Variants in NOXA1 observed in about 807,000 individuals in gnomAD.
NOXA1 encodes the protein NCF2-like protein.
A neutral mutation model predicts 64.8 loss-of-function variants in NOXA1; 56 were observed. That is an observed-to-expected ratio of 0.86 (90% CI 0.70 to 1.08). The LOEUF (loss-of-function observed/expected upper bound fraction) is 1.08. Ranked by LOEUF, NOXA1 falls within the 50% of genes least tolerant of loss-of-function variation. The pLI, the probability that NOXA1 is intolerant of heterozygous loss-of-function variation, is 0.00. For synonymous variants in NOXA1, 295 were observed against 294.8 expected, an observed-to-expected ratio of 1.00 and a Z score of -0.01; for missense variants, 668 against 658.5, an observed-to-expected ratio of 1.01 and a Z score of -0.16.
chr9:137,430,872 C>T, intron 6 of NOXA1, 29 bp downstream of exon 6: 1 of 1,564,102 alleles, frequency 6.4e-7, no homozygotes, highest in Non-Finnish European at 8.6e-7. Flanking sequence ...AGACCCCTGC[C>T]TGGCCTCACC....
chr9:137,433,071 C>A lies in NOXA1; in HGVS notation c.847C>A (p.Pro283Thr), dbSNP rs1247890700. Reference protein sequence around the residue: ...EQVGKQAPLSPGLPAMGGPGP... With the variant: ...EQVGKQAPLSTGLPAMGGPGP... ...AGTTGGCAAACAGGCTCCTCTCTCC[C>A]CAGGTATGGGCGTCCTCAGCGGCGG... Residue 283 changes from proline to threonine, a missense_variant, in exon 9 of 14, where the codon CCA (proline) becomes ACA (threonine). Physicochemically the swap from Pro to Thr is conservative, Grantham distance 38 (BLOSUM62 -1). Coordinates refer to ENST00000683555, the MANE Select transcript of NOXA1 (RefSeq NM_001256067.2). The A allele has an allele frequency of 1.9e-6, 3 of 1,612,722 alleles. No individual in the cohort carries two copies. The South Asian group carries it at 3.3e-5, about 18-fold the overall frequency.
Position 137,431,976 on chromosome 9 carries a change from G to A in NOXA1, c.804+635G>A, listed in dbSNP as rs762099139. 2.2e-4 allele frequency among the ~76,000 whole-genome samples: 33 copies of A among 152,288 alleles called. No individual in the cohort carries two copies. Among genetic ancestry groups the A allele is most frequent in the Non-Finnish European group, 4.0e-4 (27 of 68,028 alleles). ...ATGGATGCCCACTTCCAGTTTAACC[G>A]TGGCATCCCGGGGGCAAGGGCGCCC... is the stretch of plus-strand genomic sequence containing the variant. On this transcript the variant is annotated intron_variant, in intron 8 of 13. Coordinates refer to ENST00000683555, the MANE Select transcript of NOXA1 (RefSeq NM_001256067.2). The surrounding 1 kb of genome is among the most constrained non-coding windows in gnomAD (Gnocchi z 5.6).
chr9:137,424,878 G>A (rs1838779552), intron 1 of NOXA1, among the ~76,000 whole-genome samples: 1 of 152,214 alleles, frequency 6.6e-6, no homozygotes, highest in Non-Finnish European at 1.5e-5. Flanking sequence ...GAGAGGGGAC[G>A]CAGTGAAAGT....
chr9:137,434,019 G>T lies in NOXA1; in HGVS notation c.1234G>T (p.Ala412Ser), dbSNP rs749037318. The part of the protein sequence containing the change: ...YQVVAQHSYS[A>S]QGPEDLGFRQ... Reference sequence around the variant, plus strand: ...GGTGGTGGCCCAGCACAGCTACTCCGCCCAGGGGCCAGAGGACCTGGGCTT... The same window carrying T: ...GGTGGTGGCCCAGCACAGCTACTCCTCCCAGGGGCCAGAGGACCTGGGCTT... Residue 412 changes from alanine (A) to serine (S), a missense_variant, in exon 13 of 14, where the codon GCC becomes TCC. Transcript: ENST00000683555. 6.4e-7 allele frequency: 1 copy of T among 1,569,558 alleles called. No individual in the cohort carries two copies. The highest frequency in any genetic ancestry group is 8.6e-7 in the Non-Finnish European group (1 of 1,162,238).
intron 1 of NOXA1, among the ~76,000 whole-genome samples, chr9:137,424,658 G>C (rs1838764359): frequency 6.6e-6 from 1 of 152,136 alleles, no homozygotes; most frequent in Non-Finnish European, 1.5e-5. Context: ...GGCTGGTCTT[G>C]AACTCCTGAC....
At chr9:137,424,791 C>T (rs1354779511) in intron 1 of NOXA1, among the ~76,000 whole-genome samples, 2 of 152,222 alleles carry the variant, frequency 1.3e-5, no homozygotes, top group Non-Finnish European at 2.9e-5. Flanking sequence ...AATCTTTAGA[C>T]ACCAGGTGGT....
intron 13 of NOXA1, 41 bp from the exon 14 acceptor site, chr9:137,434,183 G>A (rs760115984): frequency 3.1e-5 from 50 of 1,588,736 alleles, no homozygotes; most frequent in South Asian, 6.7e-5. Context: ...CAGAGGCCAC[G>A]CCTGGGTAAC....
chr9:137,427,117 A>T (rs754011907), intron 2 of NOXA1, among the ~76,000 whole-genome samples: 5 of 152,214 alleles, frequency 3.3e-5, no homozygotes, highest in African/African-American at 1.2e-4. Flanking sequence ...TTTTAAAGGG[A>T]TTTATTTGAG....
chr9:137,430,721 TGCAGGGAGCA>T (rs1839073721), intron 5 of NOXA1, 53 bp from the exon 6 acceptor site: 2 of 1,424,536 alleles, frequency 1.4e-6, no homozygotes, highest in African/African-American at 2.9e-5. Context: ...TGGGGCGGGC[TGCAGGGAGCA>T]GACCCTGCTG....
chr9:137,423,891 C>T (rs932323241), intron 1 of NOXA1, among the ~76,000 whole-genome samples, 185 bp downstream of exon 1: 64 of 152,020 alleles, frequency 4.2e-4, no homozygotes, highest in Non-Finnish European at 1.0e-4. Flanking sequence ...CTGGGGGGCG[C>T]GGCGGTCACC....
rs947448835 is a variant in NOXA1 at position 137,429,136 on chromosome 9, C to A, written c.504+120C>A. ...TGGCCCTAGTGCCCAGTTTCGGGTG[C>A]CAGGCGGGGGCTTCCTGTGACCTGC... is the stretch of plus-strand genomic sequence containing the variant. On this transcript the variant is annotated intron_variant, in intron 4 of 13. Transcript: ENST00000683555. The A allele has an allele frequency of 1.0e-5, 14 of 1,393,216 alleles. No individual in the cohort carries two copies. The Admixed American group carries it at 1.4e-4, about 14-fold the overall frequency. 86.3% of individuals were successfully genotyped at this position (1,393,216 alleles called of 1,614,324 possible). A position where few individuals can be genotyped will look rare whatever the true frequency, so the allele number is the denominator to read the frequency against.
chr9:137,428,965 G>C lies in NOXA1; in HGVS notation c.453G>C (p.Lys151Asn). The C allele has an allele frequency of 6.3e-7, 1 of 1,599,766 alleles. No homozygotes were observed. The highest frequency in any genetic ancestry group is 8.5e-7 in the Non-Finnish European group (1 of 1,173,826). ...AASSLREAMS[K>N]WPEGSLNGLD... ...GCAGCCTAAGGGAGGCCATGTCCAA[G>C]TGGCCGGAGGGGTCCCTGAATGGCC... The change falls in exon 4 of 14, where the codon AAG becomes AAC. Residue 151 changes from lysine to asparagine, a missense_variant. Lys to Asn is a moderately conservative substitution (Grantham distance 94). Transcript: ENST00000683555.
In NOXA1 at chr9:137,431,444, T is replaced by A; in HGVS notation, c.804+103T>A. On this transcript the variant is annotated intron_variant, in intron 8 of 13. Transcript: ENST00000683555. The surrounding 1 kb of genome is among the most constrained non-coding windows in gnomAD (Gnocchi z 5.6). ...CCAACATGAGGGTGGAGGGAGCAGC[T>A]CGCTGGGGGGTAGACGGGGCCGGGC... The A allele has an allele frequency of 2.0e-6, 2 of 991,782 alleles. No individual in the cohort carries two copies. The highest frequency in any genetic ancestry group is 2.8e-5 in the South Asian group (2 of 71,100). 61.4% of individuals were successfully genotyped at this position (991,782 alleles called of 1,614,324 possible).
rs1588463156 is a variant in NOXA1 at position 137,427,975 on chromosome 9, G to A, written c.261-58G>A. ...CTCGAGCGGGGCTGGTGTGAAAGCT[G>A]CCTAACCACAGCCCCATCTCCGCCC... On this transcript the variant is annotated intron_variant, in intron 2 of 13. Transcript: ENST00000683555. 7 of 1,246,400 alleles carry A rather than the reference G, an allele frequency of 5.6e-6. No individual in the cohort carries two copies. In the East Asian group the frequency reaches 1.8e-4, roughly 32 times the overall value. The allele number at this position is 1,246,400 out of a possible 1,614,324, so 77.2% of individuals were successfully genotyped here.
chr9:137,432,915 T>G, intron 8 of NOXA1, 114 bp from the exon 9 acceptor site: 1 of 1,168,998 alleles, frequency 8.6e-7, no homozygotes, highest in Non-Finnish European at 1.2e-6. Context: ...ACAGACCACC[T>G]GCTGGGTGCT....
Position 137,434,294 on chromosome 9 carries a change from C to T in NOXA1, c.1365C>T (p.Pro455=), listed in dbSNP as rs553328201. The change falls in exon 14 of 14, where the codon CCC becomes CCT. Residue 455 remains proline, a synonymous_variant. Coordinates refer to ENST00000683555, the MANE Select transcript of NOXA1 (RefSeq NM_001256067.2). ...TCTTCCCCAAGTGCTTCGTGGTCCC[C>T]GCCGGCCCTCGGATGTCAGGAGCCC... The part of the protein sequence containing the change: ...IGIFPKCFVV[P]AGPRMSGAPG... 25 of 1,610,710 alleles carry T rather than the reference C, an allele frequency of 1.6e-5. No homozygotes were observed. Among genetic ancestry groups the T allele is most frequent in the Middle Eastern group, 1.7e-4 (1 of 6,056 alleles).
chr9:137,433,152 C>T (rs1304945109), intron 9 of NOXA1, 53 bp from the exon 10 acceptor site: 4 of 1,608,362 alleles, frequency 2.5e-6, no homozygotes, highest in Non-Finnish European at 3.4e-6. Flanking sequence ...GCCCTCCACC[C>T]ACAGGGCCCA....
chr9:137,431,928 A>G lies in NOXA1; in HGVS notation c.804+587A>G, dbSNP rs1382726855. Reference sequence around the variant, plus strand: ...AGCGCATCTGAGGATGCGATCAGGAAGCAGCCCCGGCACTCTCTCTTTATG... The same window carrying G: ...AGCGCATCTGAGGATGCGATCAGGAGGCAGCCCCGGCACTCTCTCTTTATG... On this transcript the variant is annotated intron_variant, in intron 8 of 13. Transcript: ENST00000683555. This position sits in a 1 kb window ranked among gnomAD's most constrained non-coding sequence, Gnocchi z 5.6. Among the ~76,000 whole-genome samples the G allele has an allele frequency of 2.0e-5, 3 of 152,136 alleles. No homozygotes were observed. The highest frequency in any genetic ancestry group is 4.1e-4 in the South Asian group (2 of 4,826).
intron 1 of NOXA1, 95 bp from the exon 2 acceptor site, chr9:137,426,153 G>T: frequency 8.6e-7 from 1 of 1,157,272 alleles, no homozygotes; most frequent in Non-Finnish European, 1.3e-6. Context: ...AGGGGCTGAC[G>T]GAATTCCGTG....
Sources: allele counts gnomAD v4.1 joint callset (sites outside exome capture counted in the v4.1 genomes callset), GRCh38; gene constraint gnomAD v4.1.1; non-coding constraint Gnocchi (gnomAD v3.1); transcripts MANE v1.5; gene names NCBI Gene and HGNC (gene_info 2026-07-23, HGNC 2026-07-21).